ST6GALNAC3: variants seen among roughly 807,000 people sequenced by gnomAD.
ST6GALNAC3 encodes ST6 N-acetylgalactosaminide alpha-2,6-sialyltransferase 3.
A neutral mutation model predicts 32.7 loss-of-function variants in ST6GALNAC3; 25 were observed. That is an observed-to-expected ratio of 0.76 (90% CI 0.56 to 1.07). ST6GALNAC3 has a LOEUF of 1.07. Among genes scored for constraint, ST6GALNAC3 ranks in the 50% least tolerant of loss-of-function variants. The probability of loss-of-function intolerance (pLI) is 0.00; values close to 1 mark genes in which losing one functional copy is unlikely to be tolerated. For missense variants in ST6GALNAC3, 355 were observed against 382.4 expected, an observed-to-expected ratio of 0.93 and a Z score of 0.60; for synonymous variants, 129 against 133.1, an observed-to-expected ratio of 0.97 and a Z score of 0.21.
rs565613989 is a variant in ST6GALNAC3 at position 76,188,583 on chromosome 1, G to A, written c.18+113699G>A. On this transcript the variant is annotated intron_variant, in intron 1 of 4. Coordinates refer to ENST00000328299, the MANE Select transcript of ST6GALNAC3 (RefSeq NM_152996.4). ...ACCCTTGAACAATATGGGAGTTAGG[G>A]GCACTGATCCCTATACAGTGGAAAA... is the stretch of plus-strand genomic sequence containing the variant. Among the ~76,000 whole-genome samples the A allele has an allele frequency of 3.9e-5, 6 of 152,152 alleles. No homozygotes were observed. The South Asian group carries it at 1.2e-3, about 32-fold the overall frequency.
At chr1:76,556,371 T>G (rs554802973) in intron 3 of ST6GALNAC3, among the ~76,000 whole-genome samples, 2 of 152,204 alleles carry the variant, frequency 1.3e-5, no homozygotes, top group African/African-American at 4.8e-5. Flanking sequence ...AAAATAAGTT[T>G]TTTTCTTTTT....
At chr1:76,522,786 A>G (rs1013535789) in intron 3 of ST6GALNAC3, among the ~76,000 whole-genome samples, 3 of 152,162 alleles carry the variant, frequency 2.0e-5, no homozygotes, top group African/African-American at 7.2e-5. Flanking sequence ...GATCAGATTA[A>G]TTTACACCTG....
chr1:76,290,069 T>G (rs370670401), intron 1 of ST6GALNAC3, among the ~76,000 whole-genome samples: 7 of 152,240 alleles, frequency 4.6e-5, no homozygotes, highest in East Asian at 3.8e-4. Context: ...TGAAATAGTT[T>G]TTAGTTACAC....
chr1:76,187,930 G>A (rs1034964795), intron 1 of ST6GALNAC3, among the ~76,000 whole-genome samples: 1 of 152,072 alleles, frequency 6.6e-6, no homozygotes, highest in African/African-American at 2.4e-5. Context: ...CTAGACATTT[G>A]GATTTTGTTT....
Position 76,194,603 on chromosome 1 carries a change from G to T in ST6GALNAC3, c.19-119202G>T, listed in dbSNP as rs146903086. Among the ~76,000 whole-genome samples the T allele has an allele frequency of 4.3e-3, 654 of 152,122 alleles. 6 individuals are homozygous for T. The highest frequency in any genetic ancestry group is 0.015 in the African/African-American group (602 of 41,510). ...AGACATTTTTTGCAACTCTGTCTCA[G>T]GTCTGTCTTAAGAGAAGACATAGAT... On this transcript the variant is annotated intron_variant, in intron 1 of 4. Transcript: ENST00000328299.
intron 3 of ST6GALNAC3, among the ~76,000 whole-genome samples, chr1:76,556,619 T>G (rs994844732): frequency 6.6e-6 from 1 of 152,142 alleles, no homozygotes; most frequent in Non-Finnish European, 1.5e-5. Flanking sequence ...ATTTCCTAGT[T>G]GGCTAATAAT....
chr1:76,493,187 G>C (rs768492079), intron 3 of ST6GALNAC3, among the ~76,000 whole-genome samples: 4 of 152,118 alleles, frequency 2.6e-5, no homozygotes, highest in African/African-American at 9.7e-5. Context: ...AAGAACATCT[G>C]CTCTAAATCT....
At chr1:76,573,435 G>A (rs12039952) in intron 3 of ST6GALNAC3, among the ~76,000 whole-genome samples, 3 of 152,226 alleles carry the variant, frequency 2.0e-5, no homozygotes, top group South Asian at 2.1e-4. Flanking sequence ...CAGGGTCTGT[G>A]TGTGAATTGC....
downstream of ST6GALNAC3, among the ~76,000 whole-genome samples, chr1:76,634,850 C>T (rs553604551): frequency 2.7e-5 from 2 of 74,016 alleles, no homozygotes; most frequent in East Asian, 5.1e-4. Context: ...CAGGCGCCCG[C>T]CACTACGCCC....
chr1:76,126,073 C>G (rs1570085510), intron 1 of ST6GALNAC3, among the ~76,000 whole-genome samples: 1 of 152,234 alleles, frequency 6.6e-6, no homozygotes, highest in East Asian at 1.9e-4. Context: ...TAGAGACCCC[C>G]CAAGATAGTA....
chr1:76,141,192 A>G (rs1187224237), intron 1 of ST6GALNAC3, among the ~76,000 whole-genome samples: 1 of 152,074 alleles, frequency 6.6e-6, no homozygotes, highest in Non-Finnish European at 1.5e-5. Context: ...AGCATGATTT[A>G]TTTCATAATG....
chr1:76,614,523 T>C (rs1181004381), intron 3 of ST6GALNAC3, among the ~76,000 whole-genome samples: 1 of 151,786 alleles, frequency 6.6e-6, no homozygotes, highest in Non-Finnish European at 1.5e-5. Flanking sequence ...ATGGAGACCA[T>C]CCTGGCTAAC....
At chr1:76,222,962 T>C (rs1156823298) in intron 1 of ST6GALNAC3, among the ~76,000 whole-genome samples, 1 of 152,106 alleles carries the variant, frequency 6.6e-6, no homozygotes, top group Non-Finnish European at 1.5e-5. Context: ...GGAGGGTAAA[T>C]TAGTTCAGCC....
chr1:76,545,506 G>A (rs1001290294), intron 3 of ST6GALNAC3, among the ~76,000 whole-genome samples: 1 of 151,998 alleles, frequency 6.6e-6, no homozygotes, highest in African/African-American at 2.4e-5. Flanking sequence ...GGAGGTAATA[G>A]TAATAATAAA....
In ST6GALNAC3 at chr1:76,385,389, A is replaced by G. The variant is rs377319654; in HGVS notation, c.214-26619A>G. ...TTTCCATCTATATTACATGTAGGGT[A>G]GTACGATGTAGTGGTTAAGGACACA... On this transcript the variant is annotated intron_variant, in intron 2 of 4. Coordinates refer to ENST00000328299, the MANE Select transcript of ST6GALNAC3 (RefSeq NM_152996.4). 5.3e-5 allele frequency among the ~76,000 whole-genome samples: 8 copies of G among 152,150 alleles called. No homozygotes were observed. The South Asian group carries it at 1.0e-3, about 20-fold the overall frequency.
At chr1:76,198,610 T>G (rs1177766924) in intron 1 of ST6GALNAC3, among the ~76,000 whole-genome samples, 1 of 152,070 alleles carries the variant, frequency 6.6e-6, no homozygotes, top group Non-Finnish European at 1.5e-5. Flanking sequence ...ACATGAATGG[T>G]GGAGGAGAGA....
chr1:76,536,865 T>C (rs1663642635), intron 3 of ST6GALNAC3, among the ~76,000 whole-genome samples: 1 of 152,110 alleles, frequency 6.6e-6, no homozygotes, highest in Admixed American at 6.6e-5. Context: ...CAAAGAGACT[T>C]AGACTCCCAC....
chr1:76,583,321 G>A (rs998294971), intron 3 of ST6GALNAC3, among the ~76,000 whole-genome samples: 18 of 152,298 alleles, frequency 1.2e-4, no homozygotes, highest in Admixed American at 3.3e-4. Context: ...GCAAGTGATA[G>A]TGCTGAGACT....
Position 76,634,163 on chromosome 1 carries a change from G to C in ST6GALNAC3, c.*5357G>C. 1 of 984,450 alleles carries C rather than the reference G, an allele frequency of 1.0e-6. No homozygotes were observed. The highest frequency in any genetic ancestry group is 1.2e-6 in the Non-Finnish European group (1 of 829,660). The allele number at this position is 984,450 out of a possible 1,614,324, so 61.0% of individuals were successfully genotyped here. On this transcript the variant is annotated 3_prime_UTR_variant, in exon 5 of 5. Coordinates refer to ENST00000328299, the MANE Select transcript of ST6GALNAC3 (RefSeq NM_152996.4). ...TTTTGTTCACGCCTTGAAGACTTCA[G>C]AAAAATAGAAGCTCACTTCCTTCCA...
Sources: allele counts gnomAD v4.1 joint callset (sites outside exome capture counted in the v4.1 genomes callset), GRCh38; gene constraint gnomAD v4.1.1; transcripts MANE v1.5; gene names NCBI Gene and HGNC (gene_info 2026-07-23, HGNC 2026-07-21).